TMEM273: variants seen among roughly 807,000 people sequenced by gnomAD.
TMEM273 encodes transmembrane protein 273, also known as chromosome 10 open reading frame 128.
A neutral mutation model predicts 17.9 loss-of-function variants in TMEM273; 19 were observed. The ratio of observed to expected loss-of-function variants is 1.06; its 90% CI spans 0.74 to 1.55. The LOEUF (loss-of-function observed/expected upper bound fraction) is 1.55. TMEM273 is among the 40% of genes most tolerant of loss of function. TMEM273 has a pLI of 0.00. For missense variants in TMEM273, 194 were observed against 155.6 expected (o/e 1.25, Z -1.31); for synonymous variants, 66 against 62.0 (o/e 1.07, Z -0.31).
chr10:49,169,010 T>C (rs1042605438), intron 1 of TMEM273, among the ~76,000 whole-genome samples: 3 of 152,138 alleles, frequency 2.0e-5, no homozygotes, highest in Non-Finnish European at 4.4e-5. Context: ...ACGGGAGGCA[T>C]TGTGGTCTTG....
intron 3 of TMEM273, 173 bp downstream of exon 3, chr10:49,166,696 C>G: frequency 1.1e-6 from 1 of 889,542 alleles, no homozygotes; most frequent in Non-Finnish European, 1.7e-6. Context: ...GAAAGAGAAA[C>G]AGAGGCAAAG....
intron 5 of TMEM273, among the ~76,000 whole-genome samples, chr10:49,163,168 TG>T (rs1484888387): frequency 6.6e-6 from 1 of 152,068 alleles, no homozygotes; most frequent in African/African-American, 2.4e-5. Context: ...CTGGCCAGCA[TG>T]GAACTCTACT....
chr10:49,161,505 G>A (rs1845838437), intron 6 of TMEM273, 94 bp downstream of exon 6: 58 of 1,545,162 alleles, frequency 3.8e-5, no homozygotes, highest in Non-Finnish European at 4.5e-5. Flanking sequence ...ACGTGGCCAG[G>A]GGAGGGAGAG....
intron 6 of TMEM273, chr10:49,160,762 C>CA (rs1301485141): frequency 5.9e-5 from 9 of 152,188 alleles, no homozygotes; most frequent in Admixed American, 5.9e-4. Context: ...GTAGATCAGT[C>CA]AAAAAAGGCT....
chr10:49,179,738 T>C (rs1192192625), intron 1 of TMEM273, among the ~76,000 whole-genome samples: 1 of 152,042 alleles, frequency 6.6e-6, no homozygotes, highest in Non-Finnish European at 1.5e-5. Flanking sequence ...ATGTCCCAGA[T>C]GGGAATTGGA....
chr10:49,164,456 A>T (rs1199740593), intron 5 of TMEM273, among the ~76,000 whole-genome samples: 1 of 152,054 alleles, frequency 6.6e-6, no homozygotes, highest in Admixed American at 6.5e-5. Context: ...GCCCTCCTCC[A>T]TGCCACCATA....
At chr10:49,180,970 G>T (rs139278203) in intron 1 of TMEM273, among the ~76,000 whole-genome samples, 1 of 152,270 alleles carries the variant, frequency 6.6e-6, no homozygotes, top group East Asian at 1.9e-4. Context: ...GAAAAAATAA[G>T]ACTAACCCTA....
chr10:49,169,553 A>G (rs1199616066), intron 1 of TMEM273, among the ~76,000 whole-genome samples: 4 of 152,174 alleles, frequency 2.6e-5, no homozygotes, highest in African/African-American at 9.7e-5. Context: ...CTAATCACAG[A>G]TATTTTTGAA....
rs372245114 is a variant in TMEM273, at chr10:49,167,980, C to T, written c.44-18G>A. 6.2e-7 allele frequency: 1 copy of T among 1,613,932 alleles called. No homozygotes were observed. Among genetic ancestry groups the T allele is most frequent in the Non-Finnish European group, 8.5e-7 (1 of 1,179,980 alleles). On this transcript the variant is annotated intron_variant, in intron 1 of 6. Transcript: ENST00000374153. ...TCCTACATCTGCAAAGAAAGAAACC[C>T]CAGAGCCTGGTTAGAACAGAGCTGG...
At chr10:49,156,910 A>G (rs1049391606) in intron 6 of TMEM273, among the ~76,000 whole-genome samples, 1 of 152,248 alleles carries the variant, frequency 6.6e-6, no homozygotes, top group African/African-American at 2.4e-5. Context: ...AGAAAAGTAA[A>G]GGGAGGGATT....
At chr10:49,173,279 A>G (rs994431543) in intron 1 of TMEM273, among the ~76,000 whole-genome samples, 1 of 152,242 alleles carries the variant, frequency 6.6e-6, no homozygotes, top group African/African-American at 2.4e-5. Context: ...GGTAACTGTC[A>G]TCTGCAAACA....
intron 6 of TMEM273, chr10:49,160,740 A>G (rs1370994867): frequency 6.6e-6 from 1 of 152,192 alleles, no homozygotes; most frequent in Non-Finnish European, 1.5e-5. Flanking sequence ...TGATATCTAC[A>G]CTAATTTGCA....
intron 6 of TMEM273, chr10:49,161,396 A>G (rs1389468619): frequency 1.7e-5 from 11 of 638,284 alleles, no homozygotes; most frequent in Non-Finnish European, 2.5e-5. Flanking sequence ...TTCATGTTAA[A>G]TCTTGCCAAG....
chr10:49,185,624 A>G (rs1847617647), intron 1 of TMEM273, among the ~76,000 whole-genome samples: 1 of 152,196 alleles, frequency 6.6e-6, no homozygotes, highest in Admixed American at 6.5e-5. Flanking sequence ...CAACATATAC[A>G]ATCATTATGA....
At chr10:49,181,153 G>T (rs536978758) in intron 1 of TMEM273, among the ~76,000 whole-genome samples, 1 of 152,116 alleles carries the variant, frequency 6.6e-6, no homozygotes, top group Non-Finnish European at 1.5e-5. Flanking sequence ...CACAACTTAC[G>T]ATCACTCATA....
intron 4 of TMEM273, 111 bp from the exon 5 acceptor site, chr10:49,165,394 C>T (rs1291570265): frequency 6.6e-7 from 1 of 1,525,006 alleles, no homozygotes; most frequent in Non-Finnish European, 8.8e-7. Context: ...TTGATGCCAG[C>T]AGGGAAGCCC....
intron 5 of TMEM273, among the ~76,000 whole-genome samples, chr10:49,163,011 G>A (rs989406574): frequency 6.4e-4 from 97 of 152,314 alleles, no homozygotes; most frequent in African/African-American, 2.3e-3. Flanking sequence ...TTGGGTCAGC[G>A]GGGACTGGGA....
rs764604751 is a variant in TMEM273, at chr10:49,165,268, C to T, written c.285G>A (p.Ser95=). Residue 95 remains serine, a synonymous_variant, in exon 5 of 7, where the codon TCG becomes TCA. Transcript: ENST00000374153. ...GCAGGGATTTGAAGGAAAAGAGGGT[C>T]GAGGCTTGCAGCTTTCTGGCAAAGA... is the stretch of plus-strand genomic sequence containing the variant. The part of the protein sequence containing the change: ...KKRAPRKLQA[S]TLFSFKSLLQ... The T allele has an allele frequency of 5.4e-5, 84 of 1,550,488 alleles. 1 individual carries two copies. The highest frequency in any genetic ancestry group is 4.0e-4 in the South Asian group (34 of 84,042).
chr10:49,168,093 A>G (rs1251209830), intron 1 of TMEM273, 131 bp from the exon 2 acceptor site: 2 of 1,102,140 alleles, frequency 1.8e-6, no homozygotes, highest in East Asian at 2.4e-5. Flanking sequence ...CCCAATTGCC[A>G]TGGAGTGTCT....
Sources: gnomAD v4.1 joint callset for allele counts (sites outside exome capture counted in the v4.1 genomes callset) on GRCh38, gnomAD v4.1.1 for gene constraint, MANE v1.5 for transcripts, NCBI Gene and HGNC (gene_info 2026-07-23, HGNC 2026-07-21) for gene names.